The following CIMAP3 variants were observed in gnomAD, a reference collection of about 807,000 sequenced individuals.
The protein encoded by CIMAP3 is ciliary microtubule-associated protein 3.
At chr1:111,346,812 C>T in the CIMAP3 span, 5 of 1,575,398 alleles carry the variant, frequency 3.2e-6, no homozygotes, top group South Asian at 2.3e-5. Flanking sequence ...CGGTTGGGCC[C>T]TGTCCTCTGC....
chr1:111,335,301 A>C, the CIMAP3 span, among the ~76,000 whole-genome samples: 1 of 152,128 alleles, frequency 6.6e-6, no homozygotes, highest in African/African-American at 2.4e-5. Context: ...CTGCATTTCC[A>C]TCTGAGGTAC....
the CIMAP3 span, chr1:111,351,926 G>C: frequency 6.6e-6 from 1 of 152,188 alleles, no homozygotes; most frequent in African/African-American, 2.4e-5. Flanking sequence ...ACTATGTGTT[G>C]AGCAGAGCAG....
the CIMAP3 span, among the ~76,000 whole-genome samples, chr1:111,338,723 A>G: frequency 6.6e-6 from 1 of 152,080 alleles, no homozygotes; most frequent in Non-Finnish European, 1.5e-5. Context: ...TAGCTTACCA[A>G]CCAAAAAGAG....
At chr1:111,335,064 G>T in the CIMAP3 span, among the ~76,000 whole-genome samples, 1,677 of 141,088 alleles carry the variant, frequency 0.012, 10 homozygotes, top group Non-Finnish European at 0.017. Context: ...GGAGGAGGAG[G>T]TTGCAGTGAG....
the CIMAP3 span, chr1:111,347,607 C>G: frequency 1.0e-6 from 1 of 993,868 alleles, no homozygotes; most frequent in Non-Finnish European, 1.5e-6. Flanking sequence ...TCTGACTATG[C>G]GTTGTTTTTT....
chr1:111,340,627 C>A, the CIMAP3 span, among the ~76,000 whole-genome samples: 1 of 152,180 alleles, frequency 6.6e-6, no homozygotes, highest in Non-Finnish European at 1.5e-5. Context: ...CACTGGCCAT[C>A]AGAGAAATGC....
the CIMAP3 span, among the ~76,000 whole-genome samples, chr1:111,339,363 G>T: frequency 7.4e-5 from 11 of 148,854 alleles, 1 homozygote; most frequent in African/African-American, 2.7e-4. Context: ...AGGGCAATTA[G>T]GCAGGAGAAG....
At chr1:111,350,001 C>A in the CIMAP3 span, 1 of 787,760 alleles carries the variant, frequency 1.3e-6, no homozygotes, top group South Asian at 1.9e-5. Context: ...AATCTGTTGC[C>A]TTTTTCCAAG....
the CIMAP3 span, chr1:111,351,136 T>C: frequency 3.7e-6 from 3 of 814,142 alleles, no homozygotes; most frequent in African/African-American, 3.5e-5. Flanking sequence ...TAGATTACTA[T>C]GGAGTTGGGA....
chr1:111,346,944 A>G, the CIMAP3 span: 8 of 1,613,748 alleles, frequency 5.0e-6, no homozygotes, highest in African/African-American at 6.7e-5. Flanking sequence ...GAACATGTCA[A>G]CAGAGGAAAC....
the CIMAP3 span, among the ~76,000 whole-genome samples, chr1:111,326,753 G>C: frequency 6.6e-6 from 1 of 152,022 alleles, no homozygotes; most frequent in Non-Finnish European, 1.5e-5. Context: ...ACCACCATCT[G>C]TTACTTTTAG....
the CIMAP3 span, chr1:111,346,787 G>A: frequency 6.4e-7 from 1 of 1,564,238 alleles, no homozygotes. Context: ...AGTTTGGCGT[G>A]GTTTTGTAAG....
chr1:111,338,624 G>A, the CIMAP3 span, among the ~76,000 whole-genome samples: 15 of 152,116 alleles, frequency 9.9e-5, no homozygotes, highest in East Asian at 3.9e-4. Flanking sequence ...TAAATTCCTC[G>A]ACACATACAC....
the CIMAP3 span, among the ~76,000 whole-genome samples, chr1:111,345,369 A>G: frequency 2.0e-5 from 3 of 152,208 alleles, no homozygotes; most frequent in Non-Finnish European, 4.4e-5. Flanking sequence ...TTTCTTCACA[A>G]TGTTAATGTA....
the CIMAP3 span, among the ~76,000 whole-genome samples, chr1:111,332,097 G>A: frequency 1.3e-5 from 2 of 152,316 alleles, no homozygotes; most frequent in South Asian, 4.1e-4. Context: ...TGCATAGGGT[G>A]GGTTGGCCAA....
chr1:111,330,128 T>C, the CIMAP3 span, among the ~76,000 whole-genome samples: 3 of 152,228 alleles, frequency 2.0e-5, no homozygotes, highest in Non-Finnish European at 2.9e-5. Context: ...GGTTTTGCTA[T>C]CCTCCTGAAT....
At chr1:111,343,362 G>A in the CIMAP3 span, among the ~76,000 whole-genome samples, 1 of 152,104 alleles carries the variant, frequency 6.6e-6, no homozygotes, top group Non-Finnish European at 1.5e-5. Context: ...ATTCTTATAT[G>A]TCCTCAGAGA....
At chr1:111,333,685 C>T in the CIMAP3 span, among the ~76,000 whole-genome samples, 2 of 152,196 alleles carry the variant, frequency 1.3e-5, no homozygotes, top group Non-Finnish European at 2.9e-5. Flanking sequence ...GGAAAGGTGT[C>T]TCCATTCTGC....
At chr1:111,338,447 C>T in the CIMAP3 span, among the ~76,000 whole-genome samples, 1 of 149,624 alleles carries the variant, frequency 6.7e-6, no homozygotes, top group Non-Finnish European at 1.5e-5. Context: ...TGATAGACCT[C>T]TAGCAAGAAT....
Sources: allele counts gnomAD v4.1 joint callset (sites outside exome capture counted in the v4.1 genomes callset), GRCh38; gene constraint gnomAD v4.1.1; transcripts MANE v1.5; gene names NCBI Gene and HGNC (gene_info 2026-07-23, HGNC 2026-07-21).